PDE10A: variants seen among roughly 807,000 people sequenced by gnomAD.
PDE10A encodes cAMP and cAMP-inhibited cGMP 3',5'-cyclic phosphodiesterase 10A.
In PDE10A, 39 loss-of-function variants were observed where a neutral mutation model predicts 97.7. That is an observed-to-expected ratio of 0.40 (90% confidence interval 0.31 to 0.52). The LOEUF (loss-of-function observed/expected upper bound fraction) is 0.52, where lower values mean the gene tolerates loss of function less well. PDE10A is among the 20% of genes least tolerant of loss of function. PDE10A has a pLI of 0.56. For missense variants in PDE10A, 731 were observed against 1,047.8 expected (o/e 0.70, Z 4.17); for synonymous variants, 371 against 376.8 (o/e 0.98, Z 0.18).
At chr6:165,516,390 TC>T (rs1781808173) in intron 2 of PDE10A, among the ~76,000 whole-genome samples, 1 of 152,168 alleles carries the variant, frequency 6.6e-6, no homozygotes, top group African/African-American at 2.4e-5. Flanking sequence ...AATTTATGAG[TC>T]ATAGTATTCT....
chr6:165,480,599 G>A (rs77252671), intron 3 of PDE10A, among the ~76,000 whole-genome samples: 1 of 151,674 alleles, frequency 6.6e-6, no homozygotes, highest in Non-Finnish European at 1.5e-5. Context: ...AAAAAAAAAA[G>A]TATATGAGAA....
chr6:165,577,471 T>C (rs1374047809), intron 1 of PDE10A, among the ~76,000 whole-genome samples: 1 of 152,154 alleles, frequency 6.6e-6, no homozygotes, highest in Non-Finnish European at 1.5e-5. Flanking sequence ...AGCAGGAAAC[T>C]GGGACCACGA....
At chr6:165,689,985 A>AT (rs879542527) in intron 1 of PDE10A, among the ~76,000 whole-genome samples, 10 of 151,362 alleles carry the variant, frequency 6.6e-5, no homozygotes, top group Admixed American at 2.0e-4. Context: ...TAATTTCACC[A>AT]TTTTTTTTTA....
intron 1 of PDE10A, among the ~76,000 whole-genome samples, chr6:165,771,450 C>T (rs1417982520): frequency 1.3e-5 from 2 of 152,030 alleles, no homozygotes; most frequent in African/African-American, 4.8e-5. Flanking sequence ...AGGGCTCACA[C>T]GGCCAACAAC....
chr6:165,921,689 T>G (rs1782757049), intron 1 of PDE10A, among the ~76,000 whole-genome samples: 1 of 152,112 alleles, frequency 6.6e-6, no homozygotes, highest in African/African-American at 2.4e-5. Context: ...CAATGGCCTG[T>G]GATGAGAGAG....
intron 1 of PDE10A, among the ~76,000 whole-genome samples, chr6:165,750,164 A>G (rs1374165121): frequency 6.6e-6 from 1 of 152,150 alleles, no homozygotes; most frequent in East Asian, 1.9e-4. Context: ...GCTTTGTTTG[A>G]CTGGAGTGCA....
chr6:165,331,941 G>C lies in PDE10A; in HGVS notation c.*1084C>G, dbSNP rs544059611. On this transcript the variant is annotated 3_prime_UTR_variant, in exon 22 of 22. Coordinates refer to ENST00000539869, the MANE Select transcript of PDE10A (RefSeq NM_001385079.1). ...GACAGAAAGCTCATGAAATACGACC[G>C]TGCAGTACGTGGAAGAGATAAGTGA... The C allele has an allele frequency of 6.6e-6, 1 of 152,168 alleles. No individual in the cohort carries two copies. The highest frequency in any genetic ancestry group is 6.5e-5 in the Admixed American group (1 of 15,272). The allele number at this position is 152,168 out of a possible 1,614,324, so 9.4% of individuals were successfully genotyped here.
chr6:165,724,451 A>G (rs77705771), intron 1 of PDE10A, among the ~76,000 whole-genome samples: 4 of 152,188 alleles, frequency 2.6e-5, no homozygotes, highest in Admixed American at 2.0e-4. Flanking sequence ...ATACAGGTGG[A>G]TAGCTGGATT....
At chr6:165,379,739 CTT>C (rs1784823754) in intron 17 of PDE10A, among the ~76,000 whole-genome samples, 1 of 152,102 alleles carries the variant, frequency 6.6e-6, no homozygotes, top group African/African-American at 2.4e-5. Flanking sequence ...TAATTAAAAA[CTT>C]CAGTAATTTT....
intron 13 of PDE10A, 110 bp downstream of exon 13, chr6:165,413,391 T>A: frequency 1.5e-6 from 1 of 651,452 alleles, no homozygotes. Context: ...CTTTTCCTGG[T>A]TTGTAAAGGA....
At chr6:165,654,663 C>T (rs1291937643) in intron 1 of PDE10A, among the ~76,000 whole-genome samples, 1 of 152,170 alleles carries the variant, frequency 6.6e-6, no homozygotes, top group African/African-American at 2.4e-5. Context: ...ATTCTCCATG[C>T]AGAAAAAGGC....
chr6:165,894,997 C>G (rs2128483059), intron 1 of PDE10A, among the ~76,000 whole-genome samples: 1 of 152,238 alleles, frequency 6.6e-6, no homozygotes, highest in South Asian at 2.1e-4. Flanking sequence ...TTAGGTAGTT[C>G]TGATAAATAG....
intron 18 of PDE10A, among the ~76,000 whole-genome samples, chr6:165,356,450 G>A (rs767151869): frequency 4.0e-4 from 61 of 152,010 alleles, no homozygotes; most frequent in Admixed American, 9.8e-4. Flanking sequence ...TAATACCTTC[G>A]TCAAACATAA....
chr6:165,945,451 C>T (rs576824461), intron 1 of PDE10A, among the ~76,000 whole-genome samples: 3 of 152,254 alleles, frequency 2.0e-5, no homozygotes, highest in African/African-American at 7.2e-5. Context: ...TCTTTGTGTC[C>T]CCACACCCCA....
Position 165,655,443 on chromosome 6 carries a change from TC to T in PDE10A, c.865+6503del, listed in dbSNP as rs1789894352. On this transcript the variant is annotated intron_variant, in intron 1 of 21. Coordinates refer to ENST00000539869, the MANE Select transcript of PDE10A (RefSeq NM_001385079.1). This position sits in a 1 kb window ranked among gnomAD's most constrained non-coding sequence, Gnocchi z 4.5. Reference sequence around the variant, plus strand: ...ACAGCCCCACCATTTACCCAATCTTTCCAGCCAAAAACCCAGGCATGGATTC... The same window carrying T: ...ACAGCCCCACCATTTACCCAATCTTTCAGCCAAAAACCCAGGCATGGATTC... 6.6e-6 allele frequency among the ~76,000 whole-genome samples: 1 copy of T among 152,116 alleles called. No homozygotes were observed. Among genetic ancestry groups the T allele is most frequent in the East Asian group, 1.9e-4 (1 of 5,162 alleles).
intron 1 of PDE10A, among the ~76,000 whole-genome samples, chr6:165,592,046 C>T (rs920374437): frequency 8.5e-5 from 13 of 152,276 alleles, no homozygotes; most frequent in Middle Eastern, 6.8e-3. Flanking sequence ...CGTTCCCTGA[C>T]TTCAAACTAT....
At chr6:165,430,815 T>C (rs1410805100) in intron 8 of PDE10A, among the ~76,000 whole-genome samples, 7 of 152,122 alleles carry the variant, frequency 4.6e-5, no homozygotes, top group Non-Finnish European at 8.8e-5. Context: ...CTTCCTAGCA[T>C]ACAGTTCTTC....
intron 1 of PDE10A, among the ~76,000 whole-genome samples, chr6:165,692,446 G>T (rs1791328755): frequency 1.3e-5 from 2 of 152,126 alleles, no homozygotes; most frequent in Non-Finnish European, 2.9e-5. Context: ...TCACTACCGG[G>T]ACTTGCTTGT....
At chr6:165,451,143 C>T (rs1019890075) in intron 3 of PDE10A, among the ~76,000 whole-genome samples, 1 of 152,094 alleles carries the variant, frequency 6.6e-6, no homozygotes, top group African/African-American at 2.4e-5. Flanking sequence ...GCTCTCATCC[C>T]TGCCACCATA....
Sources: allele counts gnomAD v4.1 joint callset (sites outside exome capture counted in the v4.1 genomes callset), GRCh38; gene constraint gnomAD v4.1.1; non-coding constraint Gnocchi (gnomAD v3.1); transcripts MANE v1.5; gene names NCBI Gene and HGNC (gene_info 2026-07-23, HGNC 2026-07-21).